Variants in DPP6 observed in about 807,000 individuals in gnomAD.
DPP6 encodes the protein dipeptidyl peptidase like 6, also known as A-type potassium channel modulatory protein DPP6.
A neutral mutation model predicts 122.6 loss-of-function variants in DPP6; 69 were observed. That is an observed-to-expected ratio of 0.56 (90% CI 0.46 to 0.69). DPP6 has a LOEUF of 0.69. Ranked by LOEUF, DPP6 falls within the 30% of genes least tolerant of loss-of-function variation. The pLI is 0.00. For missense variants in DPP6, 928 were observed against 1,116.9 expected, an observed-to-expected ratio of 0.83 and a Z score of 2.41; for synonymous variants, 418 against 433.1, an observed-to-expected ratio of 0.97 and a Z score of 0.43.
intron 3 of DPP6, among the ~76,000 whole-genome samples, chr7:154,488,406 G>A (rs1271004162): frequency 2.0e-5 from 3 of 151,688 alleles, no homozygotes; most frequent in East Asian, 1.9e-4. Flanking sequence ...CCAAGATTGC[G>A]TCACTGCACT....
chr7:154,059,326 T>C (rs113322320), intron 1 of DPP6: 15 of 80,868 alleles, frequency 1.9e-4, no homozygotes, highest in East Asian at 4.8e-4. Flanking sequence ...CTTCCCCCCC[T>C]GGCTTAGGGC....
At chr7:154,278,026 T>C (rs903445347) in intron 1 of DPP6, among the ~76,000 whole-genome samples, 2 of 152,212 alleles carry the variant, frequency 1.3e-5, no homozygotes, top group African/African-American at 4.8e-5. Context: ...CTTCCCGTCA[T>C]GCGGGCGACA....
At chr7:154,588,111 G>C in intron 5 of DPP6, 1 of 1,584,398 alleles carries the variant, frequency 6.3e-7, no homozygotes, top group Non-Finnish European at 8.6e-7. Context: ...TGCCAGCACA[G>C]GCTTGTTCCT....
chr7:154,579,998 A>G (rs1426060499), intron 5 of DPP6, among the ~76,000 whole-genome samples: 2 of 152,164 alleles, frequency 1.3e-5, no homozygotes, highest in Non-Finnish European at 2.9e-5. Context: ...GAGCCCCATA[A>G]TCAGACACCA....
At chr7:154,714,058 C>A (rs1841344896) in intron 7 of DPP6, among the ~76,000 whole-genome samples, 1 of 152,228 alleles carries the variant, frequency 6.6e-6, no homozygotes, top group Non-Finnish European at 1.5e-5. Flanking sequence ...AGTCTTTTTG[C>A]ATAGCAAGAG....
Position 154,163,720 on chromosome 7 carries a change from G to A in DPP6, c.243+110657G>A, listed in dbSNP as rs748097910. Among the ~76,000 whole-genome samples, 10 of 150,140 alleles carry A rather than the reference G, an allele frequency of 6.7e-5. No individual in the cohort carries two copies. In the South Asian group the frequency reaches 1.5e-3, roughly 22 times the overall value. ...GATGGATTTGGAGGTGATTTATCCTGTAAGAGCAGGTTTGGAAAGTTAATT... is the reference window on the plus strand; with the variant it reads ...GATGGATTTGGAGGTGATTTATCCTATAAGAGCAGGTTTGGAAAGTTAATT... On this transcript the variant is annotated intron_variant, in intron 1 of 25. Transcript: ENST00000377770.
chr7:154,409,731 G>A (rs1816435704), intron 1 of DPP6, among the ~76,000 whole-genome samples: 2 of 152,166 alleles, frequency 1.3e-5, no homozygotes. Context: ...TCTCCAAAGA[G>A]TGAGGTTCCT....
intron 3 of DPP6, among the ~76,000 whole-genome samples, chr7:154,489,845 G>A (rs889417458): frequency 6.6e-6 from 1 of 152,100 alleles, no homozygotes; most frequent in African/African-American, 2.4e-5. Context: ...CCTTTCTCAA[G>A]GATCAACAAA....
chr7:154,312,181 A>G (rs772149308), intron 1 of DPP6, among the ~76,000 whole-genome samples: 1 of 152,198 alleles, frequency 6.6e-6, no homozygotes, highest in Non-Finnish European at 1.5e-5. Context: ...TGTATCAGGC[A>G]AGTACCAAAT....
intron 1 of DPP6, among the ~76,000 whole-genome samples, chr7:153,950,553 G>A (rs1023469291): frequency 1.1e-4 from 17 of 152,112 alleles, no homozygotes; most frequent in African/African-American, 3.9e-4. Flanking sequence ...ATAAAGAAGC[G>A]GTATTGAGAG....
chr7:154,534,255 G>GA (rs151068258), intron 3 of DPP6, among the ~76,000 whole-genome samples: 6,069 of 151,246 alleles, frequency 0.04, 384 homozygotes, highest in African/African-American at 0.14. Flanking sequence ...GGTCATTTAT[G>GA]AAAAAAAAAT....
At chr7:154,312,743 A>G (rs1280482846) in intron 1 of DPP6, among the ~76,000 whole-genome samples, 1 of 152,182 alleles carries the variant, frequency 6.6e-6, no homozygotes, top group Non-Finnish European at 1.5e-5. Context: ...ACATGCTCAT[A>G]AGATTTCTCT....
At chr7:153,763,396 GTCTTCTGAAT>G in the DPP6 span, among the ~76,000 whole-genome samples, 5 of 111,536 alleles carry the variant, frequency 4.5e-5, no homozygotes, top group African/African-American at 1.4e-4. Context: ...AAAAAAAAAG[GTCTTCTGAAT>G]TCTTCTGAAT....
the DPP6 span, among the ~76,000 whole-genome samples, chr7:153,794,639 T>A: frequency 1.3e-5 from 2 of 151,980 alleles, no homozygotes; most frequent in Non-Finnish European, 2.9e-5. Flanking sequence ...GCATGATTGG[T>A]TTTGATATGT....
At chr7:154,134,800 A>G (rs1795460790) in intron 1 of DPP6, among the ~76,000 whole-genome samples, 1 of 150,770 alleles carries the variant, frequency 6.6e-6, no homozygotes, top group African/African-American at 2.4e-5. Flanking sequence ...ACTTCTTGTG[A>G]GTGTACACTT....
At chr7:154,691,898 A>ATAGTATAG (rs1393303782) in intron 7 of DPP6, among the ~76,000 whole-genome samples, 1 of 152,210 alleles carries the variant, frequency 6.6e-6, no homozygotes, top group African/African-American at 2.4e-5. Context: ...GGTACTCACA[A>ATAGTATAG]AGGTGGTTAG....
intron 1 of DPP6, among the ~76,000 whole-genome samples, chr7:154,320,566 C>T (rs1484904499): frequency 3.3e-5 from 5 of 152,146 alleles, no homozygotes; most frequent in African/African-American, 2.4e-5. Flanking sequence ...TCACAGCAAC[C>T]CCTGCCTTCC....
At chr7:153,979,721 C>T (rs1585124150) in intron 1 of DPP6, among the ~76,000 whole-genome samples, 1 of 152,142 alleles carries the variant, frequency 6.6e-6, no homozygotes, top group South Asian at 2.1e-4. Flanking sequence ...TACGTCCCAT[C>T]AATACCTAGT....
At chr7:154,611,959 G>A (rs1333054027) in intron 5 of DPP6, among the ~76,000 whole-genome samples, 4 of 152,120 alleles carry the variant, frequency 2.6e-5, no homozygotes. Flanking sequence ...GTTTGAATGT[G>A]TTCTTACAAA....
Sources: allele counts gnomAD v4.1 joint callset (sites outside exome capture counted in the v4.1 genomes callset), GRCh38; gene constraint gnomAD v4.1.1; transcripts MANE v1.5; gene names NCBI Gene and HGNC (gene_info 2026-07-23, HGNC 2026-07-21).